Variants in TTLL4 observed in about 807,000 individuals in gnomAD.
The protein encoded by TTLL4 is tubulin tyrosine ligase like 4, also known as tubulin monoglutamylase TTLL4.
A neutral mutation model predicts 122.7 loss-of-function variants in TTLL4; 85 were observed. The observed-to-expected ratio is 0.69, with a 90% CI of 0.58 to 0.83. The LOEUF is 0.83. TTLL4 is among the 40% of genes least tolerant of loss of function. The pLI, the probability that TTLL4 is intolerant of heterozygous loss-of-function variation, is 0.00. For synonymous variants in TTLL4, 553 were observed against 563.0 expected, an observed-to-expected ratio of 0.98 and a Z score of 0.25; for missense variants, 1,363 against 1,488.6, an observed-to-expected ratio of 0.92 and a Z score of 1.39.
At chr2:218,735,260 G>A (rs1216390399) in intron 2 of TTLL4, among the ~76,000 whole-genome samples, 2 of 151,936 alleles carry the variant, frequency 1.3e-5, no homozygotes, top group Admixed American at 6.5e-5. Flanking sequence ...TAACTTAAGC[G>A]AAAAAACCAT....
At position 218,750,094 on chromosome 2, in the gene TTLL4, A is replaced by C. The variant is rs780933072; in HGVS notation, c.2821A>C (p.Asn941His). Reference sequence around the variant, plus strand: ...GAATCTGGCAGGTTTTGTCCTGCCCAATGCAGAGGATATCATTTCCAGCCC... The same window carrying C: ...GAATCTGGCAGGTTTTGTCCTGCCCCATGCAGAGGATATCATTTCCAGCCC... ...LLNLAGFVLPNAEDIISSPSS... is the reference protein window; with the variant it reads ...LLNLAGFVLPHAEDIISSPSS... The change falls in exon 15 of 20, where the codon AAT becomes CAT. Residue 941 changes from asparagine (N) to histidine (H), a missense_variant. By Grantham distance (68) the Asn-to-His change is moderately conservative. Transcript: ENST00000392102. 1 of 1,614,094 alleles carries C rather than the reference A, an allele frequency of 6.2e-7. No individual in the cohort carries two copies. Among genetic ancestry groups the C allele is most frequent in the South Asian group, 1.1e-5 (1 of 91,074 alleles).
intron 2 of TTLL4, among the ~76,000 whole-genome samples, chr2:218,732,578 G>T (rs1182995979): frequency 6.6e-6 from 1 of 152,188 alleles, no homozygotes; most frequent in Admixed American, 6.5e-5. Context: ...GACATTATTT[G>T]CCTCTCTGGA....
At position 218,750,022 on chromosome 2, in the gene TTLL4, T is replaced by A; in HGVS notation, c.2749T>A (p.Ser917Thr). ...VNISPSLHSS[S>T]PLDISIKGQM... is the part of the protein sequence containing the mutation. ...CTTTTTCTGAAGCCTCCACTCCAGC[T>A]CTCCACTGGATATCAGCATCAAAGG... The change falls in exon 15 of 20, where the codon TCT (serine) becomes ACT (threonine). Residue 917 changes from serine to threonine, a missense_variant. Ser to Thr is a moderately conservative substitution (Grantham distance 58, BLOSUM62 1). Coordinates refer to ENST00000392102, the MANE Select transcript of TTLL4 (RefSeq NM_014640.5). The A allele has an allele frequency of 6.2e-7, 1 of 1,614,092 alleles. No homozygotes were observed. The highest frequency in any genetic ancestry group is 1.7e-5 in the Admixed American group (1 of 60,016).
downstream of TTLL4, among the ~76,000 whole-genome samples, chr2:218,756,843 TGGA>T (rs1464788006): frequency 6.6e-6 from 1 of 152,046 alleles, no homozygotes; most frequent in Non-Finnish European, 1.5e-5. Flanking sequence ...GGGTGGAAAG[TGGA>T]GGAGGGCAGT....
At chr2:218,751,208 T>C (rs1205953016) in intron 15 of TTLL4, among the ~76,000 whole-genome samples, 7 of 152,164 alleles carry the variant, frequency 4.6e-5, no homozygotes, top group African/African-American at 1.7e-4. Context: ...ACAAGCTCCT[T>C]GGGGGCAAGA....
In TTLL4 at chr2:218,754,807, G is replaced by T. The variant is rs1199978509; in HGVS notation, c.*418G>T. 2.5e-5 allele frequency: 5 copies of T among 198,080 alleles called. No individual in the cohort carries two copies. The East Asian group carries it at 6.5e-4, about 26-fold the overall frequency. The allele number at this position is 198,080 out of a possible 1,614,324, so 12.3% of individuals were successfully genotyped here. On this transcript the variant is annotated 3_prime_UTR_variant, in exon 20 of 20. Coordinates refer to ENST00000392102, the MANE Select transcript of TTLL4 (RefSeq NM_014640.5). ...GGAAATCCTTTGTTCTGAATTTGAG[G>T]GGGTCTTCTGAGGTCCTTACTTCCT...
In TTLL4 at chr2:218,745,883, C is replaced by G. The variant is rs1460692632; in HGVS notation, c.1897+82C>G. On this transcript the variant is annotated intron_variant, in intron 7 of 19. Transcript: ENST00000392102. ...CATAGGGGGAGAGCTCTAGACACCT[C>G]GTGCCTATGTCGGGGCAGCTGGGGC... 42 of 1,308,008 alleles carry G rather than the reference C, an allele frequency of 3.2e-5. No individual in the cohort carries two copies. The Admixed American group carries it at 6.3e-4, about 20-fold the overall frequency. The allele number at this position is 1,308,008 out of a possible 1,614,324, so 81.0% of individuals were successfully genotyped here. A position where few individuals can be genotyped will look rare whatever the true frequency, so the allele number is the denominator to read the frequency against.
At position 218,747,962 on chromosome 2, in the gene TTLL4, T is replaced by C; in HGVS notation, c.2379-143T>C. 3 of 1,251,282 alleles carry C rather than the reference T, an allele frequency of 2.4e-6. No individual in the cohort carries two copies. Among genetic ancestry groups the C allele is most frequent in the Non-Finnish European group, 3.4e-6 (3 of 891,916 alleles). 77.5% of individuals were successfully genotyped at this position (1,251,282 alleles called of 1,614,324 possible). On this transcript the variant is annotated intron_variant, in intron 11 of 19. Coordinates refer to ENST00000392102, the MANE Select transcript of TTLL4 (RefSeq NM_014640.5). This position sits in a 1 kb window ranked among gnomAD's most constrained non-coding sequence, Gnocchi z 4.7. ...CTGTGGTTTTTCAGAACTTTGCCAGTAGACACACTTCTCAGGCTCTTGTGG... is the reference window on the plus strand; with the variant it reads ...CTGTGGTTTTTCAGAACTTTGCCAGCAGACACACTTCTCAGGCTCTTGTGG...
intron 19 of TTLL4, 79 bp downstream of exon 19, chr2:218,753,748 T>C: frequency 6.7e-7 from 1 of 1,484,322 alleles, no homozygotes; most frequent in East Asian, 2.3e-5. Flanking sequence ...TCCCAGACTG[T>C]GGCAGTGAGA....
At chr2:218,739,562 A>T (rs1942641316) in intron 3 of TTLL4, among the ~76,000 whole-genome samples, 1 of 152,224 alleles carries the variant, frequency 6.6e-6, no homozygotes, top group South Asian at 2.1e-4. Context: ...GTGAGCACCA[A>T]ATGTTGAAGC....
intron 1 of TTLL4, among the ~76,000 whole-genome samples, chr2:218,715,978 G>A (rs758706155): frequency 1.5e-4 from 23 of 152,118 alleles, no homozygotes; most frequent in Non-Finnish European, 2.2e-4. Flanking sequence ...ACTATCTGTT[G>A]ACTGAAACAT....
chr2:218,751,622 C>T, intron 15 of TTLL4, 82 bp from the exon 16 acceptor site: 2 of 1,532,394 alleles, frequency 1.3e-6, no homozygotes, highest in Non-Finnish European at 1.8e-6. Context: ...AGGGTGTCTG[C>T]TGGGCTGGAC....
chr2:218,720,622 C>T lies in TTLL4; in HGVS notation c.-177-6647C>T, dbSNP rs565465953. On this transcript the variant is annotated intron_variant, in intron 1 of 19. Transcript: ENST00000392102. ...GCGGGAGGCAGAGGTTGCAGCGAGC[C>T]GAGATCGTACCATTGCACTCCAGCC... Among the ~76,000 whole-genome samples the T allele has an allele frequency of 4.0e-5, 6 of 148,268 alleles. No homozygotes were observed. The East Asian group carries it at 1.2e-3, about 29-fold the overall frequency.
At chr2:218,753,790 C>A in intron 19 of TTLL4, 121 bp downstream of exon 19, 1 of 1,086,616 alleles carries the variant, frequency 9.2e-7, no homozygotes, top group Non-Finnish European at 1.4e-6. Flanking sequence ...TTGGTGGGAG[C>A]GTCAGGACAT....
intron 5 of TTLL4, among the ~76,000 whole-genome samples, chr2:218,740,800 G>T (rs551545385): frequency 6.6e-6 from 1 of 152,154 alleles, no homozygotes; most frequent in Admixed American, 6.5e-5. Flanking sequence ...TGGGCCAGGC[G>T]CAGTGGCTCA....
At chr2:218,745,573 AG>A in intron 6 of TTLL4, 117 bp from the exon 7 acceptor site, 1 of 722,794 alleles carries the variant, frequency 1.4e-6, no homozygotes, top group African/African-American at 1.8e-5. Context: ...CTGGAGCAAT[AG>A]TTAGTGACTT....
intron 5 of TTLL4, 112 bp downstream of exon 5, chr2:218,740,696 T>C (rs181337204): frequency 7.8e-7 from 1 of 1,286,994 alleles, no homozygotes; most frequent in Non-Finnish European, 1.1e-6. Flanking sequence ...AATGCATTTT[T>C]ACCAAATTTT....
At position 218,727,864 on chromosome 2, in the gene TTLL4, T is replaced by C. The variant is rs137931435; in HGVS notation, c.-99+517T>C. Among the ~76,000 whole-genome samples, 168 of 152,358 alleles carry C rather than the reference T, an allele frequency of 1.1e-3. 2 individuals are homozygous for C. The East Asian group carries it at 0.028, about 26-fold the overall frequency. ...GCTTTGTCCATTTCTTGCTTTGTCATAGTTCTCTGTTTGCTGTTATTTCTT... is the reference window on the plus strand; with the variant it reads ...GCTTTGTCCATTTCTTGCTTTGTCACAGTTCTCTGTTTGCTGTTATTTCTT... On this transcript the variant is annotated intron_variant, in intron 2 of 19. Coordinates refer to ENST00000392102, the MANE Select transcript of TTLL4 (RefSeq NM_014640.5).
In TTLL4 at chr2:218,738,640, G is replaced by T; in HGVS notation, c.964G>T (p.Asp322Tyr). 6.2e-7 allele frequency: 1 copy of T among 1,614,220 alleles called. No individual in the cohort carries two copies. The change falls in exon 3 of 20, where the codon GAT becomes TAT. Residue 322 changes from aspartate to tyrosine, a missense_variant. Physicochemically the swap from Asp to Tyr is radical, Grantham distance 160. Around this residue, in one of 3 missense-constraint regions of TTLL4, gnomAD observed 760 missense variants for 808.4 expected, o/e 0.94. Transcript: ENST00000392102. ...GGCAGAGCCACTTTCCTGTGCTCTG[G>T]ATGACAGCTCTGATTCCCAGGATCC... ...MRAEPLSCALDDSSDSQDPTK... is the reference protein window; with the variant it reads ...MRAEPLSCALYDSSDSQDPTK...
Sources: allele counts gnomAD v4.1 joint callset (sites outside exome capture counted in the v4.1 genomes callset), GRCh38; gene constraint gnomAD v4.1.1; regional missense constraint gnomAD v4.1.1; non-coding constraint Gnocchi (gnomAD v3.1); transcripts MANE v1.5; gene names NCBI Gene and HGNC (gene_info 2026-07-23, HGNC 2026-07-21).